The following TMEM232 variants were observed in gnomAD, a reference collection of about 807,000 sequenced individuals.
TMEM232 encodes transmembrane protein 232.
Under a neutral mutation model 78.8 loss-of-function variants are expected in TMEM232, and 80 were observed. The observed-to-expected ratio is 1.01, with a 90% confidence interval of 0.85 to 1.22. The LOEUF (loss-of-function observed/expected upper bound fraction) is 1.22. TMEM232 is among the 50% of genes most tolerant of loss of function. The pLI, the probability that TMEM232 is intolerant of heterozygous loss-of-function variation, is 0.00. For synonymous variants in TMEM232, 297 were observed against 254.3 expected (o/e 1.17, Z -1.60); for missense variants, 881 against 742.2 (o/e 1.19, Z -2.17).
At position 110,532,318 on chromosome 5, in the gene TMEM232, C is replaced by T. The variant is rs562005736; in HGVS notation, c.1456-3483G>A. Among the ~76,000 whole-genome samples the T allele has an allele frequency of 9.2e-5, 14 of 151,792 alleles. No homozygotes were observed. In the South Asian group the frequency reaches 2.3e-3, roughly 25 times the overall value. On this transcript the variant is annotated intron_variant, in intron 11 of 13. Coordinates refer to ENST00000455884, the MANE Select transcript of TMEM232 (RefSeq NM_001039763.4). ...TCTCGGCTTAGCGGCTGAAGACTGA[C>T]GCTGCCCGATCGCCTCAGAAGCCCC...
intron 1 of TMEM232, among the ~76,000 whole-genome samples, chr5:110,682,794 T>A (rs1300898420): frequency 6.6e-6 from 1 of 152,134 alleles, no homozygotes; most frequent in African/African-American, 2.4e-5. Context: ...TCAGTACTGA[T>A]CTTACCTGAT....
chr5:110,491,305 A>C (rs1442396145), intron 12 of TMEM232, among the ~76,000 whole-genome samples: 1 of 152,088 alleles, frequency 6.6e-6, no homozygotes, highest in African/African-American at 2.4e-5. Flanking sequence ...GCTTTAATTA[A>C]AAAGACCGAT....
intron 11 of TMEM232, among the ~76,000 whole-genome samples, chr5:110,562,065 T>C (rs971724640): frequency 2.6e-5 from 4 of 152,048 alleles, no homozygotes; most frequent in African/African-American, 9.7e-5. Flanking sequence ...TCTAACAACA[T>C]ACCATGAGTT....
chr5:110,628,199 AGAG>A (rs1480365253), intron 5 of TMEM232, among the ~76,000 whole-genome samples: 4 of 152,174 alleles, frequency 2.6e-5, no homozygotes, highest in African/African-American at 7.2e-5. Context: ...AAATCAATTG[AGAG>A]GAGATTTTTA....
At chr5:110,637,479 G>A (rs187039942) in intron 5 of TMEM232, among the ~76,000 whole-genome samples, 27 of 151,662 alleles carry the variant, frequency 1.8e-4, no homozygotes, top group South Asian at 6.2e-4. Context: ...TCTCATGCTC[G>A]ATTTCTAACA....
chr5:110,573,013 T>A (rs916393315), intron 10 of TMEM232, among the ~76,000 whole-genome samples: 3 of 152,026 alleles, frequency 2.0e-5, no homozygotes. Flanking sequence ...TCACTTTAAA[T>A]ATACTGAGAG....
intron 12 of TMEM232, among the ~76,000 whole-genome samples, chr5:110,506,973 A>AG (rs1766980188): frequency 1.3e-5 from 2 of 152,122 alleles, no homozygotes; most frequent in Non-Finnish European, 2.9e-5. Context: ...TCCTGAACAT[A>AG]TTTGACCAAG....
intron 1 of TMEM232, among the ~76,000 whole-genome samples, chr5:110,672,557 C>T (rs78867035): frequency 6.6e-6 from 1 of 151,938 alleles, no homozygotes; most frequent in South Asian, 2.1e-4. Flanking sequence ...CAAACAACTT[C>T]AAATTTCCAA....
chr5:110,670,383 T>C (rs970579452), intron 1 of TMEM232, among the ~76,000 whole-genome samples: 1 of 152,166 alleles, frequency 6.6e-6, no homozygotes, highest in South Asian at 2.1e-4. Flanking sequence ...CCATTCACAA[T>C]TGCTTGAAGG....
intron 11 of TMEM232, among the ~76,000 whole-genome samples, chr5:110,540,421 C>T (rs1772954386): frequency 1.3e-5 from 2 of 152,164 alleles, no homozygotes; most frequent in Non-Finnish European, 2.9e-5. Flanking sequence ...TAACCTAATA[C>T]CATGCCACAC....
rs1188094408 is a variant in TMEM232 at position 110,667,262 on chromosome 5, G to C, written c.91C>G (p.Gln31Glu). Residue 31 changes from glutamine (Q) to glutamate (E), a missense_variant, in exon 2 of 14, where the codon CAA becomes GAA. Physicochemically the swap from Gln to Glu is conservative, Grantham distance 29. Coordinates refer to ENST00000455884, the MANE Select transcript of TMEM232 (RefSeq NM_001039763.4). ...YHEELWKLNFQHLSGERGHKS... is the reference protein window; with the variant it reads ...YHEELWKLNFEHLSGERGHKS... ...TGACCCCTTTCTCCACTTAAATGTT[G>C]AAAATTTAATTTCCAGAGCTCTTCA... The C allele has an allele frequency of 1.2e-5, 19 of 1,545,714 alleles. No homozygotes were observed. The highest frequency in any genetic ancestry group is 1.7e-5 in the Non-Finnish European group (19 of 1,143,728).
intron 1 of TMEM232, among the ~76,000 whole-genome samples, chr5:110,673,727 G>T (rs959721448): frequency 6.6e-6 from 1 of 152,168 alleles, no homozygotes; most frequent in Non-Finnish European, 1.5e-5. Flanking sequence ...AGTTTTCGTG[G>T]ATGGAAGCAG....
chr5:110,727,933 GAA>G (rs1798316479), upstream of TMEM232, among the ~76,000 whole-genome samples: 1 of 152,094 alleles, frequency 6.6e-6, no homozygotes. Flanking sequence ...AAATAAAAAT[GAA>G]AAGACTGTGG....
At chr5:110,700,069 A>C (rs1014078286) in intron 1 of TMEM232, among the ~76,000 whole-genome samples, 1 of 152,072 alleles carries the variant, frequency 6.6e-6, no homozygotes, top group Non-Finnish European at 1.5e-5. Flanking sequence ...AAATCCACTA[A>C]GCAATTTTCT....
chr5:110,539,021 G>A (rs2149571643), intron 11 of TMEM232, among the ~76,000 whole-genome samples: 1 of 152,302 alleles, frequency 6.6e-6, no homozygotes, highest in Middle Eastern at 3.4e-3. Flanking sequence ...GTTGGGAAGA[G>A]ATATTATGGT....
At chr5:110,599,485 G>A (rs1433955757) in intron 10 of TMEM232, among the ~76,000 whole-genome samples, 1 of 152,070 alleles carries the variant, frequency 6.6e-6, no homozygotes, top group East Asian at 1.9e-4. Flanking sequence ...CATTTACCAA[G>A]CAAATGGAAA....
At chr5:110,639,207 T>A (rs754574408) in intron 4 of TMEM232, among the ~76,000 whole-genome samples, 1 of 152,086 alleles carries the variant, frequency 6.6e-6, no homozygotes, top group Non-Finnish European at 1.5e-5. Context: ...CTCATTTGAG[T>A]GTAATCAGAA....
intron 2 of TMEM232, among the ~76,000 whole-genome samples, chr5:110,651,957 A>G (rs887942476): frequency 2.0e-5 from 3 of 152,172 alleles, no homozygotes; most frequent in Non-Finnish European, 2.9e-5. Flanking sequence ...TTACTGTTGT[A>G]CATAGAATTT....
chr5:110,455,141 A>C (rs1018978529), intron 12 of TMEM232, among the ~76,000 whole-genome samples: 1 of 152,196 alleles, frequency 6.6e-6, no homozygotes, highest in African/African-American at 2.4e-5. Flanking sequence ...TATATGTTAA[A>C]GGAACTCAAT....
Sources: allele counts gnomAD v4.1 joint callset (sites outside exome capture counted in the v4.1 genomes callset), GRCh38; gene constraint gnomAD v4.1.1; transcripts MANE v1.5; gene names NCBI Gene and HGNC (gene_info 2026-07-23, HGNC 2026-07-21).